The following MTMR14 variants were observed in gnomAD, a reference collection of about 807,000 sequenced individuals.
MTMR14 encodes the protein myotubularin related protein 14, also known as phosphatidylinositol-3,5-bisphosphate 3-phosphatase MTMR14.
MTMR14 carries 48 observed loss-of-function variants against 86.3 expected under a neutral mutation model. The observed-to-expected ratio is 0.56, with a 90% CI of 0.44 to 0.71. The LOEUF is 0.71. Among genes scored for constraint, MTMR14 ranks in the 30% least tolerant of loss-of-function variants. MTMR14 has a pLI of 0.00. For missense variants in MTMR14, 780 were observed against 834.6 expected, an observed-to-expected ratio of 0.93 and a Z score of 0.81; for synonymous variants, 366 against 326.1, an observed-to-expected ratio of 1.12 and a Z score of -1.32.
intron 7 of MTMR14, chr3:9,675,474 A>G (rs376381448): frequency 4.3e-5 from 18 of 419,456 alleles, no homozygotes; most frequent in African/African-American, 3.5e-4. Flanking sequence ...CAGTAGTCTC[A>G]GTTCTAGATG....
chr3:9,681,237 C>G (rs1483758178), intron 9 of MTMR14, among the ~76,000 whole-genome samples: 1 of 152,190 alleles, frequency 6.6e-6, no homozygotes, highest in East Asian at 1.9e-4. Flanking sequence ...TCTTGCTGCC[C>G]TCCATGTAAC....
intron 11 of MTMR14, 70 bp from the exon 12 acceptor site, chr3:9,684,818 G>A: frequency 1.3e-6 from 2 of 1,575,524 alleles, no homozygotes; most frequent in South Asian, 2.2e-5. Flanking sequence ...CGTTGTCACT[G>A]GGTCTGGTTA....
intron 5 of MTMR14, among the ~76,000 whole-genome samples, chr3:9,670,641 G>C (rs2048516900): frequency 6.6e-6 from 1 of 151,984 alleles, no homozygotes; most frequent in Non-Finnish European, 1.5e-5. Context: ...AAGTCATGTG[G>C]CTAAAAATGA....
intron 5 of MTMR14, among the ~76,000 whole-genome samples, chr3:9,670,109 A>G (rs1211369508): frequency 6.6e-6 from 1 of 152,224 alleles, no homozygotes; most frequent in Admixed American, 6.5e-5. Flanking sequence ...TATTTTAGAA[A>G]AGCTCCTTTG....
intron 2 of MTMR14, among the ~76,000 whole-genome samples, chr3:9,654,646 C>G (rs959298414): frequency 6.6e-6 from 1 of 152,256 alleles, no homozygotes; most frequent in Non-Finnish European, 1.5e-5. Flanking sequence ...GTTGTCAGCA[C>G]TATCTGTGAA....
rs570896301 is a variant in MTMR14, at chr3:9,654,234, T to C, written c.308+465T>C. ...TGTAACTGATGCTGGGCAAGTTACT[T>C]AACTGCTTTGTCCTTAGTTTTCTTA... is the stretch of plus-strand genomic sequence containing the variant. On this transcript the variant is annotated intron_variant, in intron 2 of 18. Coordinates refer to ENST00000296003, the MANE Select transcript of MTMR14 (RefSeq NM_001077525.3). Among the ~76,000 whole-genome samples, 185 of 152,358 alleles carry C rather than the reference T, an allele frequency of 1.2e-3. 1 individual carries two copies. Among genetic ancestry groups the C allele is most frequent in the African/African-American group, 4.2e-3 (174 of 41,592 alleles).
chr3:9,690,255 C>T (rs1417292587), intron 17 of MTMR14, 112 bp downstream of exon 17: 2 of 1,156,892 alleles, frequency 1.7e-6, no homozygotes, highest in East Asian at 4.9e-5. Flanking sequence ...GGTTCCTAAG[C>T]TTGCAGGCCC....
chr3:9,675,563 A>T, intron 7 of MTMR14: 2 of 457,250 alleles, frequency 4.4e-6, no homozygotes, highest in Non-Finnish European at 8.8e-6. Context: ...AGATGGTCCC[A>T]AATTCTGCAG....
intron 1 of MTMR14, 127 bp from the exon 2 acceptor site, chr3:9,653,494 C>A: frequency 8.2e-7 from 1 of 1,214,642 alleles, no homozygotes; most frequent in Non-Finnish European, 1.2e-6. Flanking sequence ...ATCACATCTT[C>A]CCAGCACAGA....
chr3:9,683,490 A>G (rs568425934), intron 10 of MTMR14: 25 of 504,468 alleles, frequency 5.0e-5, no homozygotes, highest in Non-Finnish European at 7.9e-5. Context: ...TGCACAGGGT[A>G]TTTTCACACT....
intron 2 of MTMR14, among the ~76,000 whole-genome samples, chr3:9,656,390 C>G (rs574630516): frequency 6.6e-6 from 1 of 152,106 alleles, no homozygotes; most frequent in African/African-American, 2.4e-5. Context: ...CTTAGCTCTT[C>G]CTTAATTCCT....
intron 10 of MTMR14, 118 bp downstream of exon 10, chr3:9,683,362 G>T (rs2075833388): frequency 2.1e-6 from 2 of 939,936 alleles, no homozygotes; most frequent in African/African-American, 1.6e-5. Context: ...CTGTGGGAGA[G>T]GAATTTGGGG....
At chr3:9,672,540 A>T (rs1559582891) in intron 6 of MTMR14, 145 bp from the exon 7 acceptor site, 2 of 744,884 alleles carry the variant, frequency 2.7e-6, no homozygotes, top group Non-Finnish European at 4.8e-6. Flanking sequence ...TGTACAAAGT[A>T]GGCACTGCTG....
At position 9,677,939 on chromosome 3, in the gene MTMR14, C is replaced by A. The variant is rs1201157265; in HGVS notation, c.823-45C>A. On this transcript the variant is annotated intron_variant, in intron 8 of 18. Coordinates refer to ENST00000296003, the MANE Select transcript of MTMR14 (RefSeq NM_001077525.3). This position sits in a 1 kb window ranked among gnomAD's most constrained non-coding sequence, Gnocchi z 4.2. ...CAAGCTTCCCCATCACCTAAGCCTCCTCTGGTGGCCAACCCACATCTCACA... is the reference window on the plus strand; with the variant it reads ...CAAGCTTCCCCATCACCTAAGCCTCATCTGGTGGCCAACCCACATCTCACA... The A allele has an allele frequency of 6.3e-7, 1 of 1,597,990 alleles. No individual in the cohort carries two copies. The highest frequency in any genetic ancestry group is 1.3e-5 in the African/African-American group (1 of 74,686).
At chr3:9,676,734 A>T (rs917386859) in intron 7 of MTMR14, among the ~76,000 whole-genome samples, 7 of 152,156 alleles carry the variant, frequency 4.6e-5, no homozygotes, top group African/African-American at 1.7e-4. Context: ...GGAGTTACTT[A>T]TGATTTTTCC....
chr3:9,676,152 G>A (rs368382897), intron 7 of MTMR14, among the ~76,000 whole-genome samples: 4 of 152,328 alleles, frequency 2.6e-5, no homozygotes, highest in African/African-American at 4.8e-5. Context: ...GAATTTGGAC[G>A]ATTGTTTTCT....
intron 17 of MTMR14, 34 bp from the exon 18 acceptor site, chr3:9,697,677 G>A (rs538653193): frequency 1.2e-6 from 2 of 1,607,238 alleles, no homozygotes; most frequent in South Asian, 1.1e-5. Flanking sequence ...ATGACTGACT[G>A]CATCCTCTCC....
chr3:9,656,631 G>T (rs2047623063), intron 2 of MTMR14, among the ~76,000 whole-genome samples: 2 of 152,074 alleles, frequency 1.3e-5, no homozygotes, highest in Non-Finnish European at 2.9e-5. Flanking sequence ...TGATGGCCAG[G>T]CTAGTCTCAA....
chr3:9,674,763 G>C (rs1318663433), intron 7 of MTMR14, among the ~76,000 whole-genome samples: 1 of 152,178 alleles, frequency 6.6e-6, no homozygotes, highest in Non-Finnish European at 1.5e-5. Flanking sequence ...TTAAAAGGAA[G>C]TGTGCCAAAA....
Sources: gnomAD v4.1 joint callset for allele counts (sites outside exome capture counted in the v4.1 genomes callset) on GRCh38, gnomAD v4.1.1 for gene constraint, Gnocchi (gnomAD v3.1) non-coding constraint, MANE v1.5 for transcripts, NCBI Gene and HGNC (gene_info 2026-07-23, HGNC 2026-07-21) for gene names.